The following PTPRD variants were observed in gnomAD, a reference collection of about 807,000 sequenced individuals.
The protein encoded by PTPRD is protein tyrosine phosphatase receptor type D.
In PTPRD, 34 loss-of-function variants were observed where a neutral mutation model predicts 214.5. The ratio of observed to expected loss-of-function variants is 0.16; its 90% CI spans 0.12 to 0.21. The LOEUF (loss-of-function observed/expected upper bound fraction) is 0.21. Ranked by LOEUF, PTPRD falls within the 10% of genes least tolerant of loss-of-function variation. PTPRD has a pLI of 1.00. For missense variants in PTPRD, 2,545 were observed against 2,398.7 expected, an observed-to-expected ratio of 1.06 and a Z score of -1.27; for synonymous variants, 1,128 against 845.7, an observed-to-expected ratio of 1.33 and a Z score of -5.79.
At chr9:9,364,040 A>G (rs758555016) in intron 9 of PTPRD, among the ~76,000 whole-genome samples, 4 of 151,428 alleles carry the variant, frequency 2.6e-5, no homozygotes, top group Non-Finnish European at 5.9e-5. Context: ...AACTTCTATA[A>G]TACTTTACAT....
At chr9:9,635,044 G>C (rs2095713599) in intron 7 of PTPRD, among the ~76,000 whole-genome samples, 1 of 152,144 alleles carries the variant, frequency 6.6e-6, no homozygotes, top group South Asian at 2.1e-4. Flanking sequence ...GGTATTTAAA[G>C]TTTGAGCAAT....
At chr9:9,093,940 G>GA (rs909981875) in intron 10 of PTPRD, among the ~76,000 whole-genome samples, 39 of 147,946 alleles carry the variant, frequency 2.6e-4, no homozygotes, top group Middle Eastern at 6.9e-3. Context: ...CAAGTAGAAA[G>GA]AAAAAAAAAG....
chr9:9,092,817 A>G (rs1487915209), intron 10 of PTPRD, among the ~76,000 whole-genome samples: 2 of 152,134 alleles, frequency 1.3e-5, no homozygotes, highest in African/African-American at 2.4e-5. Flanking sequence ...ATAAAAAATT[A>G]TGATCATCAA....
intron 5 of PTPRD, among the ~76,000 whole-genome samples, chr9:9,778,355 T>C (rs1178013945): frequency 6.6e-6 from 1 of 152,112 alleles, no homozygotes; most frequent in South Asian, 2.1e-4. Context: ...GAATATGTGA[T>C]CTGGCAGGGG....
At chr9:9,080,563 A>G (rs577468781) in intron 10 of PTPRD, among the ~76,000 whole-genome samples, 3 of 152,178 alleles carry the variant, frequency 2.0e-5, no homozygotes, top group East Asian at 3.9e-4. Flanking sequence ...CCAAGATTAC[A>G]TAGCTACAGG....
chr9:9,894,355 C>G (rs561637857), intron 5 of PTPRD, among the ~76,000 whole-genome samples: 4 of 152,038 alleles, frequency 2.6e-5, no homozygotes, highest in Admixed American at 2.6e-4. Context: ...TTAAAGGATC[C>G]TGAAGGCCCT....
intron 3 of PTPRD, among the ~76,000 whole-genome samples, chr9:10,040,281 C>T (rs1438363332): frequency 1.3e-5 from 2 of 152,008 alleles, no homozygotes; most frequent in African/African-American, 2.4e-5. Flanking sequence ...GGAACACTGA[C>T]AGTTTTTATG....
intron 5 of PTPRD, among the ~76,000 whole-genome samples, chr9:9,837,271 G>C (rs2057036671): frequency 6.6e-6 from 1 of 152,144 alleles, no homozygotes; most frequent in Non-Finnish European, 1.5e-5. Flanking sequence ...CACTAGGTGA[G>C]TGATGAAAAT....
chr9:9,814,394 A>G (rs1343704593), intron 5 of PTPRD, among the ~76,000 whole-genome samples: 1 of 152,028 alleles, frequency 6.6e-6, no homozygotes, highest in Non-Finnish European at 1.5e-5. Context: ...TAAAACCCTC[A>G]ACCCCCCACT....
intron 5 of PTPRD, among the ~76,000 whole-genome samples, chr9:9,781,728 C>T (rs529360254): frequency 1.3e-5 from 2 of 152,158 alleles, no homozygotes; most frequent in South Asian, 4.1e-4. Flanking sequence ...TAGGTTTTTA[C>T]ACAATCCGAT....
chr9:9,937,656 G>C (rs576027908), intron 5 of PTPRD, among the ~76,000 whole-genome samples: 3 of 152,106 alleles, frequency 2.0e-5, no homozygotes, highest in African/African-American at 7.2e-5. Context: ...CATGTTTCTT[G>C]TATCTATTTT....
chr9:10,333,084 T>C (rs2096780709), intron 3 of PTPRD, among the ~76,000 whole-genome samples: 1 of 151,862 alleles, frequency 6.6e-6, no homozygotes, highest in African/African-American at 2.4e-5. Flanking sequence ...AGGTATTTGC[T>C]GAATAAATAA....
At chr9:9,346,000 G>C (rs1013470636) in intron 9 of PTPRD, among the ~76,000 whole-genome samples, 6 of 152,002 alleles carry the variant, frequency 3.9e-5, no homozygotes, top group East Asian at 1.9e-4. Flanking sequence ...AAGATTTCAG[G>C]TGAAAGTACA....
At chr9:8,799,123 G>A (rs1378820585) in intron 11 of PTPRD, among the ~76,000 whole-genome samples, 1 of 152,024 alleles carries the variant, frequency 6.6e-6, no homozygotes, top group Non-Finnish European at 1.5e-5. Flanking sequence ...TTATCTACAT[G>A]TCAGAGTCCA....
intron 9 of PTPRD, among the ~76,000 whole-genome samples, chr9:9,344,969 A>G (rs1232316327): frequency 6.6e-6 from 1 of 152,108 alleles, no homozygotes; most frequent in Non-Finnish European, 1.5e-5. Flanking sequence ...ATTATAGAAC[A>G]TGAAAATTGG....
chr9:10,514,521 A>AT (rs2049355673), intron 2 of PTPRD, among the ~76,000 whole-genome samples: 2 of 151,726 alleles, frequency 1.3e-5, no homozygotes, highest in Non-Finnish European at 2.9e-5. Flanking sequence ...GGCAATGAAT[A>AT]TTTTTTATTT....
intron 5 of PTPRD, among the ~76,000 whole-genome samples, chr9:9,828,034 G>A (rs531834046): frequency 8.5e-4 from 129 of 152,256 alleles, no homozygotes; most frequent in African/African-American, 3.0e-3. Context: ...GGAGAAATAG[G>A]AACACTTTTA....
chr9:9,677,553 T>C (rs552967822), intron 7 of PTPRD, among the ~76,000 whole-genome samples: 4 of 152,214 alleles, frequency 2.6e-5, no homozygotes, highest in African/African-American at 7.2e-5. Context: ...AAATTAGGTA[T>C]TGATGGGACG....
At chr9:8,510,574 TA>T (rs1466531663) in intron 21 of PTPRD, among the ~76,000 whole-genome samples, 4 of 152,110 alleles carry the variant, frequency 2.6e-5, no homozygotes, top group African/African-American at 9.7e-5. Flanking sequence ...TACTAAAAAT[TA>T]ATTGAATTTT....
Sources: allele counts gnomAD v4.1 joint callset (sites outside exome capture counted in the v4.1 genomes callset), GRCh38; gene constraint gnomAD v4.1.1; transcripts MANE v1.5; gene names NCBI Gene and HGNC (gene_info 2026-07-23, HGNC 2026-07-21).